Variants in DLGAP2 observed in about 807,000 individuals in gnomAD.
DLGAP2 encodes the protein DLG associated protein 2, also known as disks large-associated protein 2.
DLGAP2 carries 26 observed loss-of-function variants against 100.3 expected under a neutral mutation model. The observed-to-expected ratio is 0.26, with a 90% CI of 0.19 to 0.36. DLGAP2 has a LOEUF of 0.36. Ranked by LOEUF, DLGAP2 falls within the 10% of genes least tolerant of loss-of-function variation. The probability of loss-of-function intolerance (pLI) is 1.00; values close to 1 mark genes in which losing one functional copy is unlikely to be tolerated. For synonymous variants in DLGAP2, 886 were observed against 630.1 expected, an observed-to-expected ratio of 1.41 and a Z score of -6.08; for missense variants, 1,858 against 1,453.2, an observed-to-expected ratio of 1.28 and a Z score of -4.53.
At chr8:1,165,476 A>G (rs1023006983) in intron 2 of DLGAP2, among the ~76,000 whole-genome samples, 10 of 152,226 alleles carry the variant, frequency 6.6e-5, no homozygotes, top group East Asian at 1.9e-4. Context: ...TTTTGGTGCA[A>G]AGGGCATCGC....
At chr8:1,229,603 A>T (rs1798492076) in intron 2 of DLGAP2, among the ~76,000 whole-genome samples, 1 of 152,130 alleles carries the variant, frequency 6.6e-6, no homozygotes, top group African/African-American at 2.4e-5. Context: ...CTTATTGATG[A>T]ACACAGATGC....
chr8:1,692,746 T>A (rs1799284725), intron 13 of DLGAP2, among the ~76,000 whole-genome samples: 1 of 152,104 alleles, frequency 6.6e-6, no homozygotes, highest in Non-Finnish European at 1.5e-5. Flanking sequence ...TTATAGTCGG[T>A]AGTGAAACGA....
At chr8:854,019 G>A (rs546009665) in intron 1 of DLGAP2, among the ~76,000 whole-genome samples, 2 of 152,312 alleles carry the variant, frequency 1.3e-5, no homozygotes, top group South Asian at 2.1e-4. Context: ...CAGTGAGAAG[G>A]CGCTGTCTCT....
intron 2 of DLGAP2, among the ~76,000 whole-genome samples, chr8:1,022,145 C>T (rs1331053252): frequency 1.3e-5 from 2 of 152,144 alleles, no homozygotes; most frequent in African/African-American, 2.4e-5. Flanking sequence ...AGCCACACAC[C>T]CATCCTCCCT....
intron 3 of DLGAP2, among the ~76,000 whole-genome samples, chr8:1,319,377 C>A (rs943971103): frequency 3.3e-5 from 5 of 152,112 alleles, no homozygotes; most frequent in African/African-American, 1.2e-4. Flanking sequence ...GGAGAGAGGC[C>A]ACGTGTGGAA....
chr8:790,024 G>A (rs112557375), intron 1 of DLGAP2, among the ~76,000 whole-genome samples: 27 of 152,332 alleles, frequency 1.8e-4, no homozygotes, highest in African/African-American at 3.4e-4. Flanking sequence ...GTCATGGGAC[G>A]GACGACGTCA....
At chr8:1,069,274 G>T (rs1423454285) in intron 2 of DLGAP2, among the ~76,000 whole-genome samples, 2 of 152,146 alleles carry the variant, frequency 1.3e-5, no homozygotes, top group Admixed American at 1.3e-4. Context: ...GCTGCCAGCT[G>T]GGCCGGACAG....
intron 8 of DLGAP2, among the ~76,000 whole-genome samples, chr8:1,636,878 C>G (rs982074881): frequency 2.0e-5 from 3 of 152,222 alleles, no homozygotes; most frequent in Admixed American, 2.0e-4. Context: ...CTGGGCTGAT[C>G]ATAAAACGTT....
At chr8:1,212,853 A>T (rs1325819624) in intron 2 of DLGAP2, among the ~76,000 whole-genome samples, 1 of 142,598 alleles carries the variant, frequency 7.0e-6, no homozygotes, top group African/African-American at 2.6e-5. Flanking sequence ...ATATGTACTC[A>T]TCTTCTCAAA....
At chr8:1,633,827 G>A (rs544879316) in intron 8 of DLGAP2, among the ~76,000 whole-genome samples, 3 of 152,178 alleles carry the variant, frequency 2.0e-5, no homozygotes, top group Admixed American at 2.0e-4. Context: ...CTGTATCTTA[G>A]AAATTTAAAG....
At chr8:1,156,699 A>AACCCGGCTCAGCG (rs1163437597) in intron 2 of DLGAP2, among the ~76,000 whole-genome samples, 2 of 151,374 alleles carry the variant, frequency 1.3e-5, no homozygotes, top group Admixed American at 1.3e-4. Flanking sequence ...CCAGCTCAGC[A>AACCCGGCTCAGCG]ACCCGGCTCA....
At chr8:1,513,908 A>G (rs1299931870) in intron 4 of DLGAP2, among the ~76,000 whole-genome samples, 2 of 152,092 alleles carry the variant, frequency 1.3e-5, no homozygotes, top group African/African-American at 2.4e-5. Flanking sequence ...TCATTCATCC[A>G]TCCATTTCAG....
chr8:1,422,863 C>G (rs984054496), intron 3 of DLGAP2, among the ~76,000 whole-genome samples: 1 of 152,164 alleles, frequency 6.6e-6, no homozygotes, highest in Non-Finnish European at 1.5e-5. Context: ...GGATGCTGTG[C>G]TGTTCCAGAA....
chr8:1,475,720 C>G (rs536631153), intron 3 of DLGAP2, among the ~76,000 whole-genome samples: 1 of 152,270 alleles, frequency 6.6e-6, no homozygotes, highest in South Asian at 2.1e-4. Context: ...ACGAGTGGCA[C>G]CTGCCGGCTT....
intron 8 of DLGAP2, among the ~76,000 whole-genome samples, chr8:1,664,005 G>C (rs1331111187): frequency 6.6e-6 from 1 of 152,200 alleles, no homozygotes; most frequent in African/African-American, 2.4e-5. Flanking sequence ...TCCAAGTAAA[G>C]TTTGCAGTAT....
intron 3 of DLGAP2, among the ~76,000 whole-genome samples, chr8:1,408,790 C>T (rs1187571463): frequency 6.6e-6 from 1 of 152,080 alleles, no homozygotes; most frequent in Non-Finnish European, 1.5e-5. Flanking sequence ...CCAAGAGACC[C>T]TTCGTCTGTC....
At chr8:1,509,367 A>G (rs965234486) in intron 4 of DLGAP2, among the ~76,000 whole-genome samples, 18 of 152,194 alleles carry the variant, frequency 1.2e-4, no homozygotes, top group African/African-American at 4.1e-4. Flanking sequence ...GAAAATACCA[A>G]AGTACACTCT....
At chr8:1,586,868 A>T (rs7823765) in intron 6 of DLGAP2, among the ~76,000 whole-genome samples, 1 of 152,172 alleles carries the variant, frequency 6.6e-6, no homozygotes, top group African/African-American at 2.4e-5. Context: ...TAGCATCATA[A>T]GGGGATTTTC....
rs372878716 is a variant in DLGAP2 at position 1,277,523 on chromosome 8, A to T, written c.106+18640A>T. 2.0e-5 allele frequency among the ~76,000 whole-genome samples: 3 copies of T among 152,226 alleles called. No homozygotes were observed. In the East Asian group the frequency reaches 5.8e-4, roughly 29 times the overall value. ...AGGAGAATTAGAAAAAAAAATGATTATGAAACAGATGATTCTTGAGCTGTC... is the reference window on the plus strand; with the variant it reads ...AGGAGAATTAGAAAAAAAAATGATTTTGAAACAGATGATTCTTGAGCTGTC... On this transcript the variant is annotated intron_variant, in intron 3 of 14. Coordinates refer to ENST00000637795, the MANE Select transcript of DLGAP2 (RefSeq NM_001346810.2).
Sources: gnomAD v4.1 joint callset for allele counts (sites outside exome capture counted in the v4.1 genomes callset) on GRCh38, gnomAD v4.1.1 for gene constraint, MANE v1.5 for transcripts, NCBI Gene and HGNC (gene_info 2026-07-23, HGNC 2026-07-21) for gene names.